Variants in ARMC3 observed in about 807,000 individuals in gnomAD.
ARMC3 encodes armadillo repeat containing 3, also known as armadillo repeat-containing protein 3.
ARMC3 carries 74 observed loss-of-function variants against 90.3 expected under a neutral mutation model. The ratio of observed to expected loss-of-function variants is 0.82; its 90% CI spans 0.68 to 0.99. The LOEUF (loss-of-function observed/expected upper bound fraction) is 0.99. Among genes scored for constraint, ARMC3 ranks in the 50% least tolerant of loss-of-function variants. The pLI is 0.00. For missense variants in ARMC3, 958 were observed against 1,042.8 expected (o/e 0.92, Z 1.12); for synonymous variants, 334 against 361.8 (o/e 0.92, Z 0.87).
At chr10:22,933,045 C>T (rs1360844480) in intron 2 of ARMC3, among the ~76,000 whole-genome samples, 1 of 152,188 alleles carries the variant, frequency 6.6e-6, no homozygotes, top group African/African-American at 2.4e-5. Flanking sequence ...CATGAGAATC[C>T]TCTGGACTCT....
At chr10:23,030,334 C>CTGT (rs1838870603) in intron 16 of ARMC3, among the ~76,000 whole-genome samples, 1 of 152,126 alleles carries the variant, frequency 6.6e-6, no homozygotes, top group Admixed American at 6.6e-5. Flanking sequence ...AGTCAGCTCT[C>CTGT]TGTTTCTGTG....
chr10:22,928,557 G>A (rs1833803299), intron 1 of ARMC3, among the ~76,000 whole-genome samples: 1 of 152,120 alleles, frequency 6.6e-6, no homozygotes. Context: ...TGCATTTTTA[G>A]AGCAGAGTTG....
chr10:23,031,961 C>A (rs1482902047), intron 17 of ARMC3, among the ~76,000 whole-genome samples: 1 of 151,908 alleles, frequency 6.6e-6, no homozygotes, highest in African/African-American at 2.4e-5. Context: ...CTTTAAAATT[C>A]GCAATTTGGG....
At chr10:22,985,398 A>C (rs1378721492) in intron 10 of ARMC3, among the ~76,000 whole-genome samples, 1 of 152,052 alleles carries the variant, frequency 6.6e-6, no homozygotes, top group Non-Finnish European at 1.5e-5. Flanking sequence ...TTGATTCCTT[A>C]TCAAGCTTCT....
rs774682033 is a variant in ARMC3, at chr10:22,955,844, T to G, written c.204T>G (p.Ala68=). ...ENKTTLLELG[A]VEPLTKLLTH... is the part of the protein sequence containing the mutation. ...AAACAACCCTCCTTGAACTTGGAGC[T>G]GTGGAACCTTTAACTAAGCTACTCA... Residue 68 remains alanine (A), a synonymous_variant, in exon 4 of 19, where the codon GCT becomes GCG. Transcript: ENST00000298032. 3 of 1,614,124 alleles carry G rather than the reference T, an allele frequency of 1.9e-6. No homozygotes were observed. The South Asian group carries it at 3.3e-5, about 18-fold the overall frequency.
chr10:23,000,523 A>G (rs1251475899), intron 11 of ARMC3, among the ~76,000 whole-genome samples: 10 of 152,210 alleles, frequency 6.6e-5, no homozygotes. Flanking sequence ...TGTCCATGTC[A>G]TTAATATATA....
chr10:22,987,632 T>G (rs1318214720), intron 10 of ARMC3, among the ~76,000 whole-genome samples: 1 of 152,176 alleles, frequency 6.6e-6, no homozygotes, highest in Non-Finnish European at 1.5e-5. Flanking sequence ...GAACTGAAGT[T>G]TTGTTACAGT....
intron 16 of ARMC3, among the ~76,000 whole-genome samples, chr10:23,015,017 T>TA (rs1393477503): frequency 1.3e-5 from 2 of 148,518 alleles, no homozygotes; most frequent in Non-Finnish European, 3.0e-5. Flanking sequence ...AAAAATAAAT[T>TA]AAAAAAGTGA....
rs1040986698 is a variant in ARMC3, at chr10:23,008,281, C to T, written c.1835C>T (p.Pro612Leu). The change falls in exon 15 of 19, where the codon CCA becomes CTA. Residue 612 changes from proline (P) to leucine (L), a missense_variant. By Grantham distance (98) the Pro-to-Leu change is moderately conservative. Transcript: ENST00000298032. ...TTAAATGTGTAAAATTTTAGTTCTC[C>T]ACCTTCATCTATGGAAGATAAATCA... ...LLINSKSYVSPPSSMEDKSDV... is the reference protein window; with the variant it reads ...LLINSKSYVSLPSSMEDKSDV... 6.7e-7 allele frequency: 1 copy of T among 1,498,444 alleles called. No homozygotes were observed. Among genetic ancestry groups the T allele is most frequent in the Non-Finnish European group, 9.1e-7 (1 of 1,104,268 alleles). The allele number at this position is 1,498,444 out of a possible 1,614,324, so 92.8% of individuals were successfully genotyped here.
At chr10:23,001,897 A>G (rs1441705729) in intron 11 of ARMC3, 22 bp from the exon 12 acceptor site, 1 of 1,611,142 alleles carries the variant, frequency 6.2e-7, no homozygotes, top group Non-Finnish European at 8.5e-7. Flanking sequence ...TTAATGTGTA[A>G]CATTTTGGTT....
intron 10 of ARMC3, among the ~76,000 whole-genome samples, chr10:22,990,165 T>TCC (rs35072884): frequency 2.8e-4 from 43 of 151,086 alleles, no homozygotes; most frequent in African/African-American, 8.3e-4. Flanking sequence ...TTGTGTGATT[T>TCC]CCCCCCCCCA....
rs559073178 is a variant in ARMC3 at position 23,028,163 on chromosome 10, A to C, written c.2046-2433A>C. Among the ~76,000 whole-genome samples, 5 of 152,178 alleles carry C rather than the reference A, an allele frequency of 3.3e-5. No individual in the cohort carries two copies. The South Asian group carries it at 1.0e-3, about 32-fold the overall frequency. On this transcript the variant is annotated intron_variant, in intron 16 of 18. Coordinates refer to ENST00000298032, the MANE Select transcript of ARMC3 (RefSeq NM_173081.5). ...GTCTCAAAAACAAACAAAGAACAAC[A>C]ACAACAACAATTTTGTTCTGGGTGT...
chr10:22,931,250 G>A (rs149208137), intron 1 of ARMC3, among the ~76,000 whole-genome samples: 5 of 152,072 alleles, frequency 3.3e-5, no homozygotes, highest in Admixed American at 3.3e-4. Context: ...AACCCAGGCT[G>A]GTTACTCCTC....
At chr10:22,985,994 C>T (rs1252196881) in intron 10 of ARMC3, among the ~76,000 whole-genome samples, 4 of 152,128 alleles carry the variant, frequency 2.6e-5, no homozygotes, top group South Asian at 2.1e-4. Flanking sequence ...ATATTTTCAA[C>T]GCTCCTTCCC....
At chr10:23,035,245 T>A (rs1385169594) in intron 18 of ARMC3, among the ~76,000 whole-genome samples, 1 of 152,162 alleles carries the variant, frequency 6.6e-6, no homozygotes, top group African/African-American at 2.4e-5. Flanking sequence ...ACTAATCCCA[T>A]CGTGGGGTCT....
At chr10:22,963,818 A>G (rs930815180) in intron 7 of ARMC3, among the ~76,000 whole-genome samples, 2 of 146,492 alleles carry the variant, frequency 1.4e-5, no homozygotes, top group Non-Finnish European at 3.0e-5. Flanking sequence ...TGAACCCGTG[A>G]GTCGGAGGTT....
At chr10:22,959,670 T>G in intron 6 of ARMC3, 96 bp downstream of exon 6, 1 of 1,230,474 alleles carries the variant, frequency 8.1e-7, no homozygotes, top group Non-Finnish European at 1.1e-6. Context: ...ATGCACCAGT[T>G]TTGCATCATC....
intron 10 of ARMC3, 126 bp downstream of exon 10, chr10:22,981,826 A>G: frequency 1.3e-6 from 1 of 755,014 alleles, no homozygotes; most frequent in Non-Finnish European, 2.1e-6. Context: ...TCTTGGGGTT[A>G]TTCTTCAGAA....
rs768594014 is a variant in ARMC3, at chr10:23,003,245, G to T, written c.1563-1G>T. The T allele has an allele frequency of 6.2e-7, 1 of 1,610,062 alleles. No individual in the cohort carries two copies. ...ATAATGCTTTTTGCTTTTATTGACAGGGCTTTAGATATCCTTGAAGAAGTT... is the reference window on the plus strand; with the variant it reads ...ATAATGCTTTTTGCTTTTATTGACATGGCTTTAGATATCCTTGAAGAAGTT... On this transcript the variant is annotated splice_acceptor_variant, in intron 12 of 18. Transcript: ENST00000298032. LOFTEE classifies it high-confidence loss of function.
Sources: allele counts gnomAD v4.1 joint callset (sites outside exome capture counted in the v4.1 genomes callset), GRCh38; gene constraint gnomAD v4.1.1; transcripts MANE v1.5; gene names NCBI Gene and HGNC (gene_info 2026-07-23, HGNC 2026-07-21).